The following COL5A1 variants were observed in gnomAD, a reference collection of about 807,000 sequenced individuals.
The protein encoded by COL5A1 is collagen type V alpha 1 chain.
In COL5A1, 16 loss-of-function variants were observed where a neutral mutation model predicts 263.7. The ratio of observed to expected loss-of-function variants is 0.06; its 90% CI spans 0.04 to 0.09. The LOEUF is 0.09. Among genes scored for constraint, COL5A1 ranks in the 10% least tolerant of loss-of-function variants. The probability of loss-of-function intolerance (pLI) is 1.00; values close to 1 mark genes in which losing one functional copy is unlikely to be tolerated. For missense variants in COL5A1, 2,036 were observed against 2,540.5 expected (o/e 0.80, Z 4.27); for synonymous variants, 1,012 against 1,004.5 (o/e 1.01, Z -0.14).
At chr9:134,698,221 G>C (rs1833552037) in intron 2 of COL5A1, among the ~76,000 whole-genome samples, 1 of 152,254 alleles carries the variant, frequency 6.6e-6, no homozygotes, top group Admixed American at 6.5e-5. Flanking sequence ...ACCTGGGGCT[G>C]TCCCCAGCTT....
In COL5A1 at chr9:134,796,270, C is replaced by G; in HGVS notation, c.2800-104C>G. ...TCAGGGCCACCTTCAGGGGTGCACA[C>G]AGGCAATATTTGACTCAGACGTTTT... On this transcript the variant is annotated intron_variant, in intron 34 of 65. Coordinates refer to ENST00000371817, the MANE Select transcript of COL5A1 (RefSeq NM_000093.5). 2.3e-6 allele frequency: 3 copies of G among 1,277,374 alleles called. No individual in the cohort carries two copies. The South Asian group carries it at 3.6e-5, about 15-fold the overall frequency. 79.1% of individuals were successfully genotyped at this position (1,277,374 alleles called of 1,614,324 possible). A position where few individuals can be genotyped will look rare whatever the true frequency, so the allele number is the denominator to read the frequency against.
chr9:134,823,776 C>T (rs896751640), intron 61 of COL5A1, among the ~76,000 whole-genome samples: 12 of 152,132 alleles, frequency 7.9e-5, no homozygotes, highest in East Asian at 1.9e-4. Flanking sequence ...TGACTGGGCA[C>T]GTGTGTGTGC....
chr9:134,797,787 G>A (rs891843708), intron 36 of COL5A1, among the ~76,000 whole-genome samples: 2 of 152,088 alleles, frequency 1.3e-5, no homozygotes, highest in African/African-American at 4.8e-5. Flanking sequence ...CCCCACGCCC[G>A]GCCATCTCTT....
Position 134,841,105 on chromosome 9 carries a change from T to TA in COL5A1, c.5371-1051dup, listed in dbSNP as rs149639115. Among the ~76,000 whole-genome samples, 101 of 152,306 alleles carry TA rather than the reference T, an allele frequency of 6.6e-4. 2 individuals are homozygous for TA. The East Asian group carries it at 7.9e-3, about 12-fold the overall frequency. ...CCGGGAGGGAACCCTGGCTGGCCCC[T>TA]ACTTGTTTATCTGATCATTTCTTTT... On this transcript the variant is annotated intron_variant, in intron 65 of 65. Coordinates refer to ENST00000371817, the MANE Select transcript of COL5A1 (RefSeq NM_000093.5). This position sits in a 1 kb window ranked among gnomAD's most constrained non-coding sequence, Gnocchi z 4.8.
chr9:134,827,136 C>T (rs1839316487), intron 63 of COL5A1, among the ~76,000 whole-genome samples: 1 of 152,224 alleles, frequency 6.6e-6, no homozygotes, highest in African/African-American at 2.4e-5. Flanking sequence ...AGGTCCAGAC[C>T]TGTGCGCCCC....
chr9:134,731,738 G>A, intron 8 of COL5A1, 75 bp downstream of exon 8: 2 of 1,509,228 alleles, frequency 1.3e-6, no homozygotes, highest in Non-Finnish European at 1.8e-6. Context: ...CTGCCCAAGA[G>A]CCTCCTCAGG....
intron 42 of COL5A1, among the ~76,000 whole-genome samples, chr9:134,807,939 G>C (rs760016413): frequency 6.6e-6 from 1 of 152,118 alleles, no homozygotes; most frequent in Non-Finnish European, 1.5e-5. Context: ...GCAGAAGCTC[G>C]TCATCCTCCC....
At chr9:134,724,632 A>C (rs538413392) in intron 4 of COL5A1, among the ~76,000 whole-genome samples, 1 of 152,356 alleles carries the variant, frequency 6.6e-6, no homozygotes, top group Admixed American at 6.5e-5. Context: ...CACAGAGCTC[A>C]CAGCTGTGAA....
In COL5A1 at chr9:134,731,515, A is replaced by C. The variant is rs1834878831; in HGVS notation, c.1184A>C (p.Glu395Ala). Residue 395 changes from glutamate to alanine, a missense_variant, in exon 8 of 66, where the codon GAA (glutamate) becomes GCA (alanine). Glu to Ala is a moderately radical substitution (Grantham distance 107, BLOSUM62 -1). Transcript: ENST00000371817. The stretch of plus-strand genomic sequence containing the variant: ...CTGCAGCCAGCTCCGCCTCCAGGGG[A>C]AGGTGCGGATGACTTGGAGGGGGAG... ...NSSNPAPPPGEGADDLEGEFT... is the reference protein window; with the variant it reads ...NSSNPAPPPGAGADDLEGEFT... 3.7e-6 allele frequency: 6 copies of C among 1,614,122 alleles called. No individual in the cohort carries two copies. Among genetic ancestry groups the C allele is most frequent in the Non-Finnish European group, 5.1e-6 (6 of 1,179,990 alleles).
Position 134,686,979 on chromosome 9 carries a change from T to C in COL5A1, c.110-3933T>C, listed in dbSNP as rs1471520880. 6.6e-6 allele frequency among the ~76,000 whole-genome samples: 1 copy of C among 152,134 alleles called. No homozygotes were observed. The highest frequency in any genetic ancestry group is 1.5e-5 in the Non-Finnish European group (1 of 68,010). On this transcript the variant is annotated intron_variant, in intron 1 of 65. Coordinates refer to ENST00000371817, the MANE Select transcript of COL5A1 (RefSeq NM_000093.5). The surrounding 1 kb of genome is among the most constrained non-coding windows in gnomAD (Gnocchi z 4.6). ...TGCAGGGAGTCAGGTGGATACAGTC[T>C]CCGGGAGACCCGGCGTGGTGGGGTC...
intron 61 of COL5A1, among the ~76,000 whole-genome samples, chr9:134,823,976 A>T (rs945346416): frequency 1.3e-5 from 2 of 151,868 alleles, no homozygotes; most frequent in African/African-American, 4.8e-5. Context: ...GTGTGTGTGC[A>T]TATGTATATG....
At position 134,741,061 on chromosome 9, in the gene COL5A1, G is replaced by A. The variant is rs1835284018; in HGVS notation, c.1494+2253G>A. Reference sequence around the variant, plus strand: ...GTCCAGCTCCGGCCAGCCTTGTTCAGGAAGCCATCCCTGCTCACCGCTCAG... The same window carrying A: ...GTCCAGCTCCGGCCAGCCTTGTTCAAGAAGCCATCCCTGCTCACCGCTCAG... On this transcript the variant is annotated intron_variant, in intron 11 of 65. Transcript: ENST00000371817. The surrounding 1 kb of genome is among the most constrained non-coding windows in gnomAD (Gnocchi z 4.5). 1.3e-5 allele frequency among the ~76,000 whole-genome samples: 2 copies of A among 152,188 alleles called. No individual in the cohort carries two copies. Among genetic ancestry groups the A allele is most frequent in the African/African-American group, 4.8e-5 (2 of 41,444 alleles).
Position 134,821,285 on chromosome 9 carries a change from G to A in COL5A1, c.4555-812G>A, listed in dbSNP as rs1208001109. On this transcript the variant is annotated intron_variant, in intron 58 of 65. Coordinates refer to ENST00000371817, the MANE Select transcript of COL5A1 (RefSeq NM_000093.5). The surrounding 1 kb of genome is among the most constrained non-coding windows in gnomAD (Gnocchi z 4.2). ...CCTCACCCCAAACCATGGTCTTGGC[G>A]GCATTGCTGATGAAGGTGTCGGGTT... Among the ~76,000 whole-genome samples, 4 of 152,154 alleles carry A rather than the reference G, an allele frequency of 2.6e-5. No homozygotes were observed. Among genetic ancestry groups the A allele is most frequent in the Non-Finnish European group, 5.9e-5 (4 of 68,032 alleles).
At chr9:134,732,359 C>T (rs1462612305) in intron 9 of COL5A1, 2 of 622,942 alleles carry the variant, frequency 3.2e-6, no homozygotes, top group Non-Finnish European at 5.8e-6. Flanking sequence ...GGGATAGGTG[C>T]TGATCAAAGC....
At chr9:134,778,877 G>T (rs901699761) in intron 27 of COL5A1, among the ~76,000 whole-genome samples, 1 of 152,270 alleles carries the variant, frequency 6.6e-6, no homozygotes, top group African/African-American at 2.4e-5. Context: ...GAAGTGCCTT[G>T]CAGCTGGCAC....
rs1346411613 is a variant in COL5A1 at position 134,782,647 on chromosome 9, C to T, written c.2431-20C>T. Reference sequence around the variant, plus strand: ...GGGTCCTCTTGCCTAGACTAGGGCACTCTCTTGTCCCATATTCAGGGTGAA... The same window carrying T: ...GGGTCCTCTTGCCTAGACTAGGGCATTCTCTTGTCCCATATTCAGGGTGAA... On this transcript the variant is annotated intron_variant, in intron 28 of 65. Transcript: ENST00000371817. The T allele has an allele frequency of 1.2e-6, 2 of 1,613,622 alleles. No homozygotes were observed. The highest frequency in any genetic ancestry group is 1.7e-6 in the Non-Finnish European group (2 of 1,179,654).
intron 14 of COL5A1, among the ~76,000 whole-genome samples, chr9:134,753,564 C>T (rs548038580): frequency 3.9e-5 from 6 of 152,188 alleles, no homozygotes; most frequent in Non-Finnish European, 5.9e-5. Context: ...AGGTTCACCC[C>T]GGAGAGAGAA....
intron 1 of COL5A1, among the ~76,000 whole-genome samples, chr9:134,658,075 C>A (rs1029966804): frequency 6.6e-6 from 1 of 151,980 alleles, no homozygotes; most frequent in African/African-American, 2.4e-5. Context: ...TCTCTTGCCA[C>A]CGTCAGGGGA....
At position 134,738,612 on chromosome 9, in the gene COL5A1, G is replaced by C. The variant is rs577008132; in HGVS notation, c.1431+97G>C. 3.4e-4 allele frequency: 538 copies of C among 1,565,114 alleles called. 8 individuals carry two copies. In the Admixed American group the frequency reaches 8.8e-3, roughly 26 times the overall value. ...TGTCTCCTGGATGGAAAAGAGGGGG[G>C]CTCTCCGCTTTTGCAGATCCCCTGG... On this transcript the variant is annotated intron_variant, in intron 10 of 65. Transcript: ENST00000371817.
Sources: gnomAD v4.1 joint callset for allele counts (sites outside exome capture counted in the v4.1 genomes callset) on GRCh38, gnomAD v4.1.1 for gene constraint, Gnocchi (gnomAD v3.1) non-coding constraint, MANE v1.5 for transcripts, NCBI Gene and HGNC (gene_info 2026-07-23, HGNC 2026-07-21) for gene names.